Variants in ABCB7 observed in about 807,000 individuals in gnomAD.
ABCB7 encodes the protein ATP binding cassette subfamily B member 7.
Under a neutral mutation model 54.4 loss-of-function variants are expected in ABCB7, and 7 were observed. The observed-to-expected ratio is 0.13, with a 90% CI of 0.07 to 0.24. The LOEUF (loss-of-function observed/expected upper bound fraction) is 0.24. Ranked by LOEUF, ABCB7 falls within the 10% of genes least tolerant of loss-of-function variation. The pLI is 1.00. For synonymous variants in ABCB7, 218 were observed against 207.1 expected, an observed-to-expected ratio of 1.05 and a Z score of -0.45; for missense variants, 356 against 570.4, an observed-to-expected ratio of 0.62 and a Z score of 3.83.
intron 1 of ABCB7, among the ~76,000 whole-genome samples, chrX:75,123,337 T>C (rs2147539762): frequency 8.9e-6 from 1 of 112,011 alleles, no homozygotes; most frequent in East Asian, 2.8e-4. Context: ...TTTAGTTGAA[T>C]GTATATGGAT....
intron 1 of ABCB7, among the ~76,000 whole-genome samples, chrX:75,141,960 A>G (rs190881004): frequency 7.5e-4 from 84 of 112,017 alleles, no homozygotes; most frequent in African/African-American, 2.5e-3. Flanking sequence ...AAAATATATA[A>G]TTAATGTAAT....
chrX:75,154,996 A>AT (rs2082163022), intron 1 of ABCB7, among the ~76,000 whole-genome samples: 1 of 112,637 alleles, frequency 8.9e-6, no homozygotes. Flanking sequence ...TATCACCAGC[A>AT]TGAAATACTC....
chrX:75,129,531 C>T (rs2081960059), intron 1 of ABCB7, among the ~76,000 whole-genome samples: 1 of 108,396 alleles, frequency 9.2e-6, no homozygotes, highest in South Asian at 4.1e-4. Context: ...ATCACCATGG[C>T]ACATGTATAC....
intron 1 of ABCB7, among the ~76,000 whole-genome samples, chrX:75,125,852 C>G (rs1355965549): frequency 2.7e-5 from 3 of 110,510 alleles, no homozygotes; most frequent in Non-Finnish European, 5.7e-5. Context: ...CCAATCCCCC[C>G]CCAAAAAGAT....
intron 1 of ABCB7, among the ~76,000 whole-genome samples, chrX:75,117,674 C>T (rs751301319): frequency 9.0e-6 from 1 of 111,368 alleles, no homozygotes; most frequent in Admixed American, 9.5e-5. Flanking sequence ...TTGCTGATGG[C>T]TATGGATGAC....
intron 6 of ABCB7, 61 bp downstream of exon 6, chrX:75,075,301 A>C: frequency 8.6e-7 from 1 of 1,156,885 alleles, no homozygotes; most frequent in Non-Finnish European, 1.2e-6. Flanking sequence ...AGCTTCAAAT[A>C]TTCAATTGCT....
intron 1 of ABCB7, among the ~76,000 whole-genome samples, chrX:75,147,443 G>C (rs1201516938): frequency 9.0e-6 from 1 of 111,694 alleles, no homozygotes; most frequent in East Asian, 2.8e-4. Context: ...TGACAGACTA[G>C]ATAAAGAAAA....
chrX:75,057,503 A>AC (rs2147445123), intron 15 of ABCB7, among the ~76,000 whole-genome samples: 1 of 108,536 alleles, frequency 9.2e-6, no homozygotes, highest in Admixed American at 9.9e-5. Context: ...ATTACAGGTT[A>AC]CTTTTTTTTT....
intron 1 of ABCB7, 148 bp from the exon 2 acceptor site, chrX:75,114,979 C>A: frequency 2.2e-6 from 1 of 452,218 alleles, no homozygotes; most frequent in Admixed American, 3.6e-5. Flanking sequence ...CCTAAAAAGA[C>A]AAAAAATAGG....
At chrX:75,128,819 T>C (rs1170712224) in intron 1 of ABCB7, among the ~76,000 whole-genome samples, 1 of 112,149 alleles carries the variant, frequency 8.9e-6, no homozygotes. Context: ...CGAAGACATT[T>C]ATGCAGCCAA....
intron 1 of ABCB7, among the ~76,000 whole-genome samples, chrX:75,143,808 C>CA (rs762742809): frequency 1.2e-3 from 130 of 110,237 alleles, no homozygotes; most frequent in African/African-American, 4.1e-3. Flanking sequence ...GAGAACAGCA[C>CA]AAAAAAAGAC....
At chrX:75,101,454 AAG>A (rs749468223) in intron 3 of ABCB7, among the ~76,000 whole-genome samples, 12 of 110,851 alleles carry the variant, frequency 1.1e-4, no homozygotes, top group African/African-American at 3.6e-4. Context: ...GTAAAAACAC[AAG>A]AGTTATCTTC....
chrX:75,139,434 A>C (rs928944299), intron 1 of ABCB7, among the ~76,000 whole-genome samples: 6 of 111,785 alleles, frequency 5.4e-5, no homozygotes, highest in African/African-American at 2.0e-4. Context: ...TCAAGATGTC[A>C]GTCAAAATTT....
intron 1 of ABCB7, among the ~76,000 whole-genome samples, chrX:75,147,345 T>C (rs1395719964): frequency 8.1e-5 from 9 of 111,782 alleles, no homozygotes; most frequent in African/African-American, 2.6e-4. Flanking sequence ...ATATAAATCA[T>C]TCTATTATAA....
Position 75,115,290 on chromosome X carries a change from AAAAAAAAAAT to A in ABCB7, c.169-469_169-460del, listed in dbSNP as rs772328109. 5.3e-3 allele frequency among the ~76,000 whole-genome samples: 554 copies of A among 104,081 alleles called. 6 individuals are homozygous for A. Among genetic ancestry groups the A allele is most frequent in the Non-Finnish European group, 8.9e-3 (451 of 50,657 alleles). 90.4% of individuals were successfully genotyped at this position (104,081 alleles called of 115,157 possible). A position where few individuals can be genotyped will look rare whatever the true frequency, so the allele number is the denominator to read the frequency against. ...TCAAAAAAAAAAAAAAAAAAAAAAA[AAAAAAAAAAT>A]GACAAAAATAAAATTTGTGGTCCGG... is the stretch of plus-strand genomic sequence containing the variant. On this transcript the variant is annotated intron_variant, in intron 1 of 15. Transcript: ENST00000373394.
Position 75,121,221 on chromosome X carries a change from G to A in ABCB7, c.169-6390C>T, listed in dbSNP as rs766799800. Among the ~76,000 whole-genome samples, 18 of 107,698 alleles carry A rather than the reference G, an allele frequency of 1.7e-4. No homozygotes were observed. The East Asian group carries it at 3.2e-3, about 19-fold the overall frequency. 93.5% of individuals were successfully genotyped at this position (107,698 alleles called of 115,157 possible). A position where few individuals can be genotyped will look rare whatever the true frequency, so the allele number is the denominator to read the frequency against. On this transcript the variant is annotated intron_variant, in intron 1 of 15. Transcript: ENST00000373394. ...GGAGAATCACTTTAACCCAGGAGGCGGAGGTTGCAATGAGCCAAGATCGTG... is the reference window on the plus strand; with the variant it reads ...GGAGAATCACTTTAACCCAGGAGGCAGAGGTTGCAATGAGCCAAGATCGTG...
chrX:75,123,046 C>T (rs977626459), intron 1 of ABCB7, among the ~76,000 whole-genome samples: 1 of 111,264 alleles, frequency 9.0e-6, no homozygotes, highest in Non-Finnish European at 1.9e-5. Flanking sequence ...TTTAGACCTA[C>T]TTGTTTATTT....
At position 75,075,624 on chromosome X, in the gene ABCB7, A is replaced by G. The variant is rs2081402178; in HGVS notation, c.593T>C (p.Val198Ala). The G allele has an allele frequency of 8.3e-7, 1 of 1,203,554 alleles. No individual in the cohort carries two copies. Among genetic ancestry groups the G allele is most frequent in the Non-Finnish European group, 1.1e-6 (1 of 889,822 alleles). ...MATAVLIGYG[V>A]SRAGAAFFNE... Reference sequence around the variant, plus strand: ...AAAAAAAGCAGCTCCAGCTCTTGATACACCATCTAACAATACATTCAAAAG... The same window carrying G: ...AAAAAAAGCAGCTCCAGCTCTTGATGCACCATCTAACAATACATTCAAAAG... Residue 198 changes from valine to alanine, a missense_variant, in exon 6 of 16, where the codon GTA (valine) becomes GCA (alanine). Physicochemically the swap from Val to Ala is moderately conservative, Grantham distance 64 (BLOSUM62 0). Coordinates refer to ENST00000373394, the MANE Select transcript of ABCB7 (RefSeq NM_001271696.3).
At chrX:75,107,820 G>GA (rs1233763461) in intron 3 of ABCB7, among the ~76,000 whole-genome samples, 2 of 110,912 alleles carry the variant, frequency 1.8e-5, no homozygotes, top group Non-Finnish European at 3.8e-5. Context: ...AAGCAGGGGG[G>GA]AAAGTGAAGG....
Sources: allele counts gnomAD v4.1 joint callset (sites outside exome capture counted in the v4.1 genomes callset), GRCh38; gene constraint gnomAD v4.1.1; transcripts MANE v1.5; gene names NCBI Gene and HGNC (gene_info 2026-07-23, HGNC 2026-07-21).